Variants in XYLT1 observed in about 807,000 individuals in gnomAD.
XYLT1 encodes xylosyltransferase 1.
In XYLT1, 36 loss-of-function variants were observed where a neutral mutation model predicts 91.3. The observed-to-expected ratio is 0.39, with a 90% CI of 0.30 to 0.52. XYLT1 has a LOEUF of 0.52. Ranked by LOEUF, XYLT1 falls within the 20% of genes least tolerant of loss-of-function variation. The pLI is 0.68. For synonymous variants in XYLT1, 588 were observed against 532.0 expected, an observed-to-expected ratio of 1.11 and a Z score of -1.45; for missense variants, 1,242 against 1,284.5, an observed-to-expected ratio of 0.97 and a Z score of 0.51.
chr16:17,124,559 A>G (rs2030192021), intron 10 of XYLT1, among the ~76,000 whole-genome samples: 1 of 152,178 alleles, frequency 6.6e-6, no homozygotes. Flanking sequence ...TCTTGACTTT[A>G]GATAACTTGA....
At chr16:17,467,226 TTATC>T (rs2036910442) in intron 1 of XYLT1, among the ~76,000 whole-genome samples, 1 of 152,176 alleles carries the variant, frequency 6.6e-6, no homozygotes, top group Non-Finnish European at 1.5e-5. Flanking sequence ...GAGTAACAGT[TTATC>T]TAAGAACACG....
chr16:17,232,923 T>C (rs1382755055), intron 3 of XYLT1, among the ~76,000 whole-genome samples: 2 of 152,150 alleles, frequency 1.3e-5, no homozygotes, highest in African/African-American at 4.8e-5. Flanking sequence ...ACTACGACGT[T>C]TTCACTGATT....
chr16:17,298,802 C>A (rs1340761940), intron 2 of XYLT1, among the ~76,000 whole-genome samples: 2 of 152,138 alleles, frequency 1.3e-5, no homozygotes, highest in Non-Finnish European at 2.9e-5. Flanking sequence ...GGAAAAATAT[C>A]CGTCTGGATA....
intron 1 of XYLT1, among the ~76,000 whole-genome samples, chr16:17,464,542 C>G (rs999782153): frequency 1.4e-5 from 2 of 147,094 alleles, no homozygotes; most frequent in Non-Finnish European, 3.0e-5. Flanking sequence ...GTGTCTCTGA[C>G]AAAAAAGTAA....
intron 1 of XYLT1, among the ~76,000 whole-genome samples, chr16:17,403,293 C>T (rs1412190226): frequency 2.0e-5 from 3 of 152,206 alleles, no homozygotes; most frequent in South Asian, 2.1e-4. Flanking sequence ...CCAAGTCATA[C>T]AACCAGTAAG....
At chr16:17,204,978 A>G (rs2032614961) in intron 3 of XYLT1, among the ~76,000 whole-genome samples, 1 of 147,232 alleles carries the variant, frequency 6.8e-6, no homozygotes, top group African/African-American at 2.7e-5. Flanking sequence ...AAAAAAAAAA[A>G]AAAAAAAAAA....
chr16:17,108,610 G>T lies in XYLT1; in HGVS notation c.*85C>A. On this transcript the variant is annotated 3_prime_UTR_variant, in exon 12 of 12. Transcript: ENST00000261381. ...CCATTCACAGAGGGCCTCCCCCAGG[G>T]TGGGAGGCCGGGGTTCAGGCCCCAC... 7.4e-7 allele frequency: 1 copy of T among 1,348,158 alleles called. No homozygotes were observed. 83.5% of individuals were successfully genotyped at this position (1,348,158 alleles called of 1,614,324 possible).
intron 2 of XYLT1, among the ~76,000 whole-genome samples, chr16:17,345,137 A>T (rs1190107698): frequency 6.6e-6 from 1 of 152,168 alleles, no homozygotes; most frequent in Non-Finnish European, 1.5e-5. Context: ...TCCTTAGAAG[A>T]TGTCTCAGCC....
At position 17,436,697 on chromosome 16, in the gene XYLT1, A is replaced by G. The variant is rs2036463602; in HGVS notation, c.363+33737T>C. On this transcript the variant is annotated intron_variant, in intron 1 of 11. Coordinates refer to ENST00000261381, the MANE Select transcript of XYLT1 (RefSeq NM_022166.4). ...CTTCAAATGACCAGAGAGCTAAGACATGACCTCAATACAATATGATTAAAT... is the reference window on the plus strand; with the variant it reads ...CTTCAAATGACCAGAGAGCTAAGACGTGACCTCAATACAATATGATTAAAT... Among the ~76,000 whole-genome samples, 6 of 152,250 alleles carry G rather than the reference A, an allele frequency of 3.9e-5. No homozygotes were observed. The South Asian group carries it at 1.2e-3, about 31-fold the overall frequency.
intron 2 of XYLT1, among the ~76,000 whole-genome samples, chr16:17,315,831 C>CA (rs2034622061): frequency 6.6e-6 from 1 of 152,118 alleles, no homozygotes; most frequent in Non-Finnish European, 1.5e-5. Context: ...TCTCTGAACT[C>CA]AAATTAGATG....
At chr16:17,218,723 C>A (rs981267926) in intron 3 of XYLT1, among the ~76,000 whole-genome samples, 2 of 152,200 alleles carry the variant, frequency 1.3e-5, no homozygotes, top group Admixed American at 6.5e-5. Flanking sequence ...CAAGCTCATT[C>A]AATTTCTCTC....
chr16:17,427,678 T>C lies in XYLT1; in HGVS notation c.363+42756A>G, dbSNP rs553047015. 3.3e-5 allele frequency among the ~76,000 whole-genome samples: 5 copies of C among 152,308 alleles called. No homozygotes were observed. In the East Asian group the frequency reaches 5.8e-4, roughly 18 times the overall value. Reference sequence around the variant, plus strand: ...TGCTTCTACAACAGCTGAATCAGCATCCACATGTATCCTACCCACACTCTT... The same window carrying C: ...TGCTTCTACAACAGCTGAATCAGCACCCACATGTATCCTACCCACACTCTT... On this transcript the variant is annotated intron_variant, in intron 1 of 11. Coordinates refer to ENST00000261381, the MANE Select transcript of XYLT1 (RefSeq NM_022166.4).
chr16:17,232,353 T>C (rs1297350933), intron 3 of XYLT1, among the ~76,000 whole-genome samples: 1 of 143,786 alleles, frequency 7.0e-6, no homozygotes, highest in Non-Finnish European at 1.5e-5. Flanking sequence ...CAGTCCACCG[T>C]TGACTGAAAC....
chr16:17,293,704 G>A (rs539571397), intron 2 of XYLT1, among the ~76,000 whole-genome samples: 16 of 152,160 alleles, frequency 1.1e-4, no homozygotes, highest in Admixed American at 7.9e-4. Flanking sequence ...GCCCAAGCTG[G>A]TCTTGAACTC....
At chr16:17,396,276 G>A (rs563775664) in intron 1 of XYLT1, among the ~76,000 whole-genome samples, 7 of 152,294 alleles carry the variant, frequency 4.6e-5, no homozygotes, top group South Asian at 4.1e-4. Flanking sequence ...CAGAGATGAC[G>A]TGAAATACCT....
intron 3 of XYLT1, among the ~76,000 whole-genome samples, chr16:17,256,361 G>T (rs1273480867): frequency 6.6e-6 from 1 of 152,058 alleles, no homozygotes; most frequent in Admixed American, 6.6e-5. Context: ...GGAATCGAAT[G>T]AAGAGTTCTC....
intron 1 of XYLT1, among the ~76,000 whole-genome samples, chr16:17,366,309 A>G (rs1596505516): frequency 6.6e-6 from 1 of 152,238 alleles, no homozygotes; most frequent in Non-Finnish European, 1.5e-5. Flanking sequence ...AAGGTCACAT[A>G]GCTAGTCAAT....
chr16:17,368,990 C>CAA (rs746017658), intron 1 of XYLT1, among the ~76,000 whole-genome samples: 148 of 151,136 alleles, frequency 9.8e-4, no homozygotes, highest in African/African-American at 3.1e-3. Flanking sequence ...CAGAGAGTTT[C>CAA]AAAGACTTGG....
At chr16:17,113,105 CT>C (rs1966845578) in intron 11 of XYLT1, among the ~76,000 whole-genome samples, 1 of 151,896 alleles carries the variant, frequency 6.6e-6, no homozygotes, top group Non-Finnish European at 1.5e-5. Flanking sequence ...TCCCAAAGTG[CT>C]GGGATTACAG....
Sources: allele counts gnomAD v4.1 joint callset (sites outside exome capture counted in the v4.1 genomes callset), GRCh38; gene constraint gnomAD v4.1.1; transcripts MANE v1.5; gene names NCBI Gene and HGNC (gene_info 2026-07-23, HGNC 2026-07-21).